ADAMTS5: variants seen among roughly 807,000 people sequenced by gnomAD.
ADAMTS5 encodes A disintegrin and metalloproteinase with thrombospondin motifs 5.
ADAMTS5 carries 54 observed loss-of-function variants against 81.4 expected under a neutral mutation model. That is an observed-to-expected ratio of 0.66 (90% CI 0.53 to 0.83). The LOEUF (loss-of-function observed/expected upper bound fraction) is 0.83. Ranked by LOEUF, ADAMTS5 falls within the 40% of genes least tolerant of loss-of-function variation. ADAMTS5 has a pLI of 0.00. For missense variants in ADAMTS5, 1,194 were observed against 1,229.9 expected, an observed-to-expected ratio of 0.97 and a Z score of 0.44; for synonymous variants, 532 against 508.8, an observed-to-expected ratio of 1.05 and a Z score of -0.61.
intron 7 of ADAMTS5, among the ~76,000 whole-genome samples, chr21:26,928,667 CTTTCTTTCTTTCTT>C (rs1388390185): frequency 6.8e-6 from 1 of 146,836 alleles, no homozygotes; most frequent in Non-Finnish European, 1.5e-5. Flanking sequence ...CTTTCTTTCT[CTTTCTTTCTTTCTT>C]TTTCTTTCTT....
intron 3 of ADAMTS5, among the ~76,000 whole-genome samples, chr21:26,935,204 T>C (rs2123177025): frequency 6.6e-6 from 1 of 152,284 alleles, no homozygotes; most frequent in Non-Finnish European, 1.5e-5. Context: ...CCATTACCCA[T>C]TTCTAACTCA....
In ADAMTS5 at chr21:26,921,770, C is replaced by A. The variant is rs569810971; in HGVS notation, c.*2283G>T. 1.3e-5 allele frequency: 2 copies of A among 152,506 alleles called. No homozygotes were observed. The highest frequency in any genetic ancestry group is 4.1e-4 in the South Asian group (2 of 4,828). 9.4% of individuals were successfully genotyped at this position (152,506 alleles called of 1,614,324 possible). A position where few individuals can be genotyped will look rare whatever the true frequency, so the allele number is the denominator to read the frequency against. On this transcript the variant is annotated 3_prime_UTR_variant, in exon 8 of 8. Coordinates refer to ENST00000284987, the MANE Select transcript of ADAMTS5 (RefSeq NM_007038.5). Reference sequence around the variant, plus strand: ...GGAATAGTGGTTTAATTGCTCTGAGCTCTCTAGGATTGTTTCCATGACAGG... The same window carrying A: ...GGAATAGTGGTTTAATTGCTCTGAGATCTCTAGGATTGTTTCCATGACAGG...
rs752229390 is a variant in ADAMTS5, at chr21:26,965,564, G to C, written c.828C>G (p.Asp276Glu). The change falls in exon 1 of 8, where the codon GAC (aspartate) becomes GAG (glutamate). Residue 276 changes from aspartate to glutamate, a missense_variant. Around this residue, in one of 2 missense-constraint regions of ADAMTS5, gnomAD observed 498 missense variants for 412.3 expected, o/e 1.21. Transcript: ENST00000284987. ...GGCCATACAACCGCGCCATGGACGCGTCAGCCACCAGAAGCAGCTCCACCT... is the reference window on the plus strand; with the variant it reads ...GGCCATACAACCGCGCCATGGACGCCTCAGCCACCAGAAGCAGCTCCACCT... The part of the protein sequence containing the change: ...ARQVELLLVA[D>E]ASMARLYGRG... 1.9e-6 allele frequency: 3 copies of C among 1,610,618 alleles called. No homozygotes were observed. Among genetic ancestry groups the C allele is most frequent in the Non-Finnish European group, 2.5e-6 (3 of 1,177,978 alleles).
At chr21:26,952,866 A>G (rs1227702233) in intron 2 of ADAMTS5, among the ~76,000 whole-genome samples, 1 of 152,200 alleles carries the variant, frequency 6.6e-6, no homozygotes, top group African/African-American at 2.4e-5. Flanking sequence ...AGTCTCCTCT[A>G]TTTAATTACA....
At chr21:26,951,178 C>T (rs981476386) in intron 2 of ADAMTS5, among the ~76,000 whole-genome samples, 2 of 152,144 alleles carry the variant, frequency 1.3e-5, no homozygotes, top group East Asian at 1.9e-4. Flanking sequence ...AACAGTTGTG[C>T]GTTTCCACGA....
rs1257339770 is a variant in ADAMTS5 at position 26,934,511 on chromosome 21, G to A, written c.1644C>T (p.Cys548=). The A allele has an allele frequency of 6.2e-7, 1 of 1,614,170 alleles. No individual in the cohort carries two copies. Among genetic ancestry groups the A allele is most frequent in the East Asian group, 2.2e-5 (1 of 44,864 alleles). ...TTTTGTCCACACATTTGCCCTGCAG[G>A]CAGATTCTCCCCTTTCCACAAGGCG... ...EGTPCGKGRI[C]LQGKCVDKTK... The change falls in exon 4 of 8, where the codon TGC becomes TGT. Residue 548 remains cysteine (C), a synonymous_variant. Transcript: ENST00000284987.
At chr21:26,934,816 T>G in intron 3 of ADAMTS5, 67 bp from the exon 4 acceptor site, 1 of 1,575,298 alleles carries the variant, frequency 6.3e-7, no homozygotes, top group Non-Finnish European at 8.6e-7. Context: ...ATCATGGATC[T>G]AAAAATGAAA....
intron 1 of ADAMTS5, among the ~76,000 whole-genome samples, chr21:26,964,988 C>T (rs1987608944): frequency 6.6e-6 from 1 of 152,214 alleles, no homozygotes; most frequent in Admixed American, 6.5e-5. Flanking sequence ...TTTCCCCAAG[C>T]ATCCTTGTGC....
chr21:26,931,928 G>A lies in ADAMTS5; in HGVS notation c.2049+76C>T, dbSNP rs372030872. The A allele has an allele frequency of 1.1e-5, 15 of 1,422,598 alleles. No homozygotes were observed. The East Asian group carries it at 2.9e-4, about 28-fold the overall frequency. 88.1% of individuals were successfully genotyped at this position (1,422,598 alleles called of 1,614,324 possible). A position where few individuals can be genotyped will look rare whatever the true frequency, so the allele number is the denominator to read the frequency against. ...CCAAACTAATAACTGTTTACGTCTG[G>A]CGTCCGCAGGCTTCATTCTACCAAA... On this transcript the variant is annotated intron_variant, in intron 6 of 7. Transcript: ENST00000284987.
At chr21:26,932,761 A>G (rs1034090488) in intron 5 of ADAMTS5, 100 bp downstream of exon 5, 2 of 1,322,858 alleles carry the variant, frequency 1.5e-6, no homozygotes, top group African/African-American at 3.0e-5. Flanking sequence ...ACTGTGCAGT[A>G]TAAGATTAAT....
At chr21:26,942,709 C>T (rs780289387) in intron 3 of ADAMTS5, among the ~76,000 whole-genome samples, 11 of 152,130 alleles carry the variant, frequency 7.2e-5, no homozygotes, top group African/African-American at 1.2e-4. Flanking sequence ...CAGCACTGAT[C>T]CTAGTCTTAC....
Position 26,944,712 on chromosome 21 carries a change from C to G in ADAMTS5, c.1238-1165G>C, listed in dbSNP as rs201466514. Among the ~76,000 whole-genome samples, 16 of 152,166 alleles carry G rather than the reference C, an allele frequency of 1.1e-4. No individual in the cohort carries two copies. In the East Asian group the frequency reaches 2.9e-3, roughly 28 times the overall value. ...TCTCCTTGGGATCTTGAATGCCAAA[C>G]GCAGAAAACTTTGGCCATTCTAGCA... On this transcript the variant is annotated intron_variant, in intron 2 of 7. Coordinates refer to ENST00000284987, the MANE Select transcript of ADAMTS5 (RefSeq NM_007038.5).
rs74822002 is a variant in ADAMTS5, at chr21:26,965,464, G to A, written c.928C>T (p.His310Tyr). ...RLYSHASIEN[H>Y]IRLAVVKVVV... ...ACCTTCACCACGGCCAGGCGGATGT[G>A]GTTCTCGATGCTAGCATGGCTGTAC... The change falls in exon 1 of 8, where the codon CAC becomes TAC. Residue 310 changes from histidine (H) to tyrosine (Y), a missense_variant. His to Tyr is a moderately conservative substitution (Grantham distance 83). This residue lies in a region of ADAMTS5 where 696 missense variants were observed against 817.6 expected (regional missense o/e 0.85). Coordinates refer to ENST00000284987, the MANE Select transcript of ADAMTS5 (RefSeq NM_007038.5). The A allele has an allele frequency of 3.3e-3, 5,387 of 1,614,232 alleles. 173 individuals carry two copies. The African/African-American group carries it at 0.064, about 19-fold the overall frequency.
Position 26,932,856 on chromosome 21 carries a change from C to T in ADAMTS5, c.1873+5G>A, listed in dbSNP as rs370691976. ...GATGGTTGCTGACACTTGGGAGCAG[C>T]GTACCATTGGGTGGGCAGGGCATGA... is the stretch of plus-strand genomic sequence containing the variant. On this transcript the variant is annotated splice_donor_5th_base_variant and intron_variant, in intron 5 of 7. Transcript: ENST00000284987. 44 of 1,601,686 alleles carry T rather than the reference C, an allele frequency of 2.7e-5. No homozygotes were observed. The highest frequency in any genetic ancestry group is 3.4e-5 in the South Asian group (3 of 88,434).
chr21:26,948,571 G>A (rs906389762), intron 2 of ADAMTS5, among the ~76,000 whole-genome samples: 4 of 152,274 alleles, frequency 2.6e-5, no homozygotes, highest in African/African-American at 7.2e-5. Flanking sequence ...TTGAAGAAGG[G>A]AACCATGAGC....
chr21:26,930,175 C>G, intron 6 of ADAMTS5, 114 bp from the exon 7 acceptor site: 1 of 919,890 alleles, frequency 1.1e-6, no homozygotes, highest in African/African-American at 1.7e-5. Context: ...TATGGACAGT[C>G]CATTGAAAAA....
At position 26,923,177 on chromosome 21, in the gene ADAMTS5, CA is replaced by C. The variant is rs1986733239; in HGVS notation, c.*875del. 1 of 152,002 alleles carries C rather than the reference CA, an allele frequency of 6.6e-6. No homozygotes were observed. The highest frequency in any genetic ancestry group is 1.5e-5 in the Non-Finnish European group (1 of 67,964). 9.4% of individuals were successfully genotyped at this position (152,002 alleles called of 1,614,324 possible). ...TAGTTGTGAAAATATAAATTGAAAA[CA>C]CAGTGAAATACGATTTTTTTCCTTT... On this transcript the variant is annotated 3_prime_UTR_variant, in exon 8 of 8. Transcript: ENST00000284987.
intron 2 of ADAMTS5, 152 bp from the exon 3 acceptor site, chr21:26,943,699 A>C: frequency 1.4e-6 from 1 of 695,574 alleles, no homozygotes; most frequent in Non-Finnish European, 2.3e-6. Context: ...CTCCAGGGAA[A>C]TAAAAGTTGC....
At chr21:26,948,545 T>A (rs1987258648) in intron 2 of ADAMTS5, among the ~76,000 whole-genome samples, 1 of 152,192 alleles carries the variant, frequency 6.6e-6, no homozygotes. Flanking sequence ...TCACATGGAA[T>A]CAGAATCTAG....
Sources: allele counts gnomAD v4.1 joint callset (sites outside exome capture counted in the v4.1 genomes callset), GRCh38; gene constraint gnomAD v4.1.1; regional missense constraint gnomAD v4.1.1; transcripts MANE v1.5; gene names NCBI Gene and HGNC (gene_info 2026-07-23, HGNC 2026-07-21).